The following SHBG variants were observed in gnomAD, a reference collection of about 807,000 sequenced individuals.
SHBG encodes the protein sex hormone-binding globulin.
Under a neutral mutation model 41.9 loss-of-function variants are expected in SHBG, and 37 were observed. The observed-to-expected ratio is 0.88, with a 90% CI of 0.68 to 1.16. The LOEUF is 1.16. Among genes scored for constraint, SHBG ranks in the 50% most tolerant of loss-of-function variants. The probability of loss-of-function intolerance (pLI) is 0.00; values close to 1 mark genes in which losing one functional copy is unlikely to be tolerated. For missense variants in SHBG, 466 were observed against 499.9 expected, an observed-to-expected ratio of 0.93 and a Z score of 0.65; for synonymous variants, 217 against 205.8, an observed-to-expected ratio of 1.05 and a Z score of -0.47.
At chr17:7,625,737 G>A (rs1338485599), upstream of SHBG, among the ~76,000 whole-genome samples, 4 of 151,546 alleles carry the variant, frequency 2.6e-5, no homozygotes, top group East Asian at 1.9e-4. Flanking sequence ...CTAAAAATAC[G>A]AAAATTAGCC....
Position 7,632,924 on chromosome 17 carries a change from A to T in SHBG, c.1025A>T (p.Lys342Met), listed in dbSNP as rs1458047909. Residue 342 changes from lysine to methionine, a missense_variant, in exon 7 of 8, where the codon AAG (lysine) becomes ATG (methionine). Coordinates refer to ENST00000380450, the MANE Select transcript of SHBG (RefSeq NM_001040.5). Reference sequence around the variant, plus strand: ...GCTCCCCTCCTTAACCTCTGGGCCAAGCCTCAAGGGCGTCTCTTCCTGGGG... The same window carrying T: ...GCTCCCCTCCTTAACCTCTGGGCCATGCCTCAAGGGCGTCTCTTCCTGGGG... ...GLAPLLNLWA[K>M]PQGRLFLGAL... 1 of 1,614,032 alleles carries T rather than the reference A, an allele frequency of 6.2e-7. No individual in the cohort carries two copies. Among genetic ancestry groups the T allele is most frequent in the African/African-American group, 1.3e-5 (1 of 74,934 alleles).
chr17:7,632,683 G>A (rs1567768735), intron 6 of SHBG, 69 bp from the exon 7 acceptor site: 1 of 1,232,138 alleles, frequency 8.1e-7, no homozygotes, highest in Non-Finnish European at 1.2e-6. Flanking sequence ...CTAGGGGTGA[G>A]GCCACAGGCA....
In SHBG at chr17:7,631,284, C is replaced by G; in HGVS notation, c.478C>G (p.Leu160Val). The change falls in exon 4 of 8, where the codon CTG becomes GTG. Residue 160 changes from leucine (L) to valine (V), a missense_variant. Leu to Val is a conservative substitution (Grantham distance 32, BLOSUM62 1). Coordinates refer to ENST00000380450, the MANE Select transcript of SHBG (RefSeq NM_001040.5). ...GCGCCTGAGACAGGTCTCTGGGCCC[C>G]TGACCAGCAAACGCCATCCCATCAT... ...VLRLRQVSGPLTSKRHPIMRI... is the reference protein window; with the variant it reads ...VLRLRQVSGPVTSKRHPIMRI... The G allele has an allele frequency of 6.2e-7, 1 of 1,613,650 alleles. No individual in the cohort carries two copies. The highest frequency in any genetic ancestry group is 8.5e-7 in the Non-Finnish European group (1 of 1,179,818).
Position 7,633,217 on chromosome 17 carries a change from C to T in SHBG, c.1074C>T (p.Ser358=), listed in dbSNP as rs868214780. The change falls in exon 8 of 8, where the codon TCC becomes TCT. Residue 358 remains serine, a synonymous_variant. Transcript: ENST00000380450. ...FLGALPGEDS[S]TSFCLNGLWA... ...ACCTCCCTCTAGGAGAAGACTCTTC[C>T]ACCTCTTTTTGCCTGAATGGCCTTT... 1.2e-6 allele frequency: 2 copies of T among 1,614,002 alleles called. No individual in the cohort carries two copies. Among genetic ancestry groups the T allele is most frequent in the Admixed American group, 3.3e-5 (2 of 59,976 alleles).
At chr17:7,624,758 T>A (rs1380715161), upstream of SHBG, among the ~76,000 whole-genome samples, 1 of 151,964 alleles carries the variant, frequency 6.6e-6, no homozygotes, top group Non-Finnish European at 1.5e-5. Context: ...ATCAAGCGAT[T>A]CTCATGCCTC....
intron 1 of SHBG, among the ~76,000 whole-genome samples, chr17:7,618,222 C>CAA (rs796397438): frequency 1.4e-5 from 2 of 144,060 alleles, no homozygotes; most frequent in African/African-American, 5.1e-5. Context: ...GATTCTGTCT[C>CAA]AAAAAAAAAA....
intron 1 of SHBG, among the ~76,000 whole-genome samples, chr17:7,622,914 G>A (rs1279652405): frequency 2.6e-5 from 4 of 151,782 alleles, no homozygotes; most frequent in African/African-American, 4.8e-5. Context: ...GCAGGCGCCT[G>A]TGGTCCCAGC....
Position 7,633,247 on chromosome 17 carries a change from A to G in SHBG, c.1104A>G (p.Ala368=). 6.2e-7 allele frequency: 1 copy of G among 1,614,182 alleles called. No individual in the cohort carries two copies. Among genetic ancestry groups the G allele is most frequent in the Non-Finnish European group, 8.5e-7 (1 of 1,180,038 alleles). Residue 368 remains alanine (A), a synonymous_variant, in exon 8 of 8, where the codon GCA becomes GCG. Transcript: ENST00000380450. ...STSFCLNGLW[A]QGQRLDVDQA... The stretch of plus-strand genomic sequence containing the variant: ...CTTTTTGCCTGAATGGCCTTTGGGC[A>G]CAAGGTCAGAGGCTGGATGTGGACC...
upstream of SHBG, chr17:7,627,158 G>T (rs1447456523): frequency 1.2e-6 from 2 of 1,614,130 alleles, no homozygotes; most frequent in Non-Finnish European, 8.5e-7. The surrounding 1 kb of genome is among the most constrained non-coding windows in gnomAD (Gnocchi z 4.8). Context: ...AGCTTCCCGG[G>T]CGCTGGAAGA....
At chr17:7,623,350 A>G (rs1232517866), upstream of SHBG, among the ~76,000 whole-genome samples, 1 of 152,204 alleles carries the variant, frequency 6.6e-6, no homozygotes, top group African/African-American at 2.4e-5. Context: ...AGATCGTGCC[A>G]TTTCACTCCA....
chr17:7,619,852 C>CA (rs965714325), intron 1 of SHBG, among the ~76,000 whole-genome samples: 2 of 152,130 alleles, frequency 1.3e-5, no homozygotes, highest in African/African-American at 4.8e-5. Flanking sequence ...TCATCCTCAA[C>CA]AGTGCAAAGC....
Position 7,630,993 on chromosome 17 carries a change from A to G in SHBG, c.393+124A>G. ...CGTTTAATCCACACGAACCCCCACA[A>G]AGTAGCTATTCTTGGCCCCATCTTT... On this transcript the variant is annotated intron_variant, in intron 3 of 7. Coordinates refer to ENST00000380450, the MANE Select transcript of SHBG (RefSeq NM_001040.5). This position sits in a 1 kb window ranked among gnomAD's most constrained non-coding sequence, Gnocchi z 4.6. 1.1e-5 allele frequency: 11 copies of G among 1,005,630 alleles called. No individual in the cohort carries two copies. The highest frequency in any genetic ancestry group is 2.6e-5 in the East Asian group (1 of 38,718). 62.3% of individuals were successfully genotyped at this position (1,005,630 alleles called of 1,614,324 possible).
intron 4 of SHBG, 31 bp from the exon 5 acceptor site, chr17:7,631,558 A>G (rs2072414401): frequency 6.2e-7 from 1 of 1,613,304 alleles, no homozygotes; most frequent in Admixed American, 1.7e-5. Context: ...TGATTTCTAC[A>G]TCCCCGTATC....
At chr17:7,622,526 G>GC (rs1555573610) in intron 1 of SHBG, among the ~76,000 whole-genome samples, 1 of 151,880 alleles carries the variant, frequency 6.6e-6, no homozygotes, top group Non-Finnish European at 1.5e-5. Context: ...GCCCACCTTG[G>GC]CCTCCCAAAG....
At chr17:7,628,907 T>C (rs1013709773), upstream of SHBG, among the ~76,000 whole-genome samples, 2 of 151,100 alleles carry the variant, frequency 1.3e-5, no homozygotes, top group African/African-American at 4.9e-5. Context: ...AATACAAAAA[T>C]TAGACAGGTG....
intron 1 of SHBG, among the ~76,000 whole-genome samples, chr17:7,615,637 G>A (rs910015713): frequency 8.0e-6 from 1 of 125,586 alleles, no homozygotes; most frequent in African/African-American, 3.2e-5. Flanking sequence ...TGGCCAAAAT[G>A]GTGAAACCCA....
At chr17:7,622,825 C>T (rs886916117) in intron 1 of SHBG, among the ~76,000 whole-genome samples, 5 of 141,098 alleles carry the variant, frequency 3.5e-5, no homozygotes, top group Admixed American at 2.2e-4. Context: ...GTCAGGAGAT[C>T]GAGACCATCC....
rs1421320930 is a variant in SHBG, at chr17:7,633,271, C to T, written c.1128C>T (p.Asp376=). 2.5e-6 allele frequency: 4 copies of T among 1,614,018 alleles called. No individual in the cohort carries two copies. In the South Asian group the frequency reaches 4.4e-5, roughly 18 times the overall value. The change falls in exon 8 of 8, where the codon GAC becomes GAT. Residue 376 remains aspartate (D), a synonymous_variant. Coordinates refer to ENST00000380450, the MANE Select transcript of SHBG (RefSeq NM_001040.5). ...LWAQGQRLDV[D]QALNRSHEIW... ...CACAAGGTCAGAGGCTGGATGTGGA[C>T]CAGGCCCTGAACAGAAGCCATGAGA...
upstream of SHBG, among the ~76,000 whole-genome samples, chr17:7,625,966 G>T (rs569880248): frequency 2.0e-5 from 3 of 151,524 alleles, no homozygotes; most frequent in Admixed American, 2.0e-4. Flanking sequence ...CACTTTTCGA[G>T]GCCGAGGCGG....
Sources: gnomAD v4.1 joint callset for allele counts (sites outside exome capture counted in the v4.1 genomes callset) on GRCh38, gnomAD v4.1.1 for gene constraint, Gnocchi (gnomAD v3.1) non-coding constraint, MANE v1.5 for transcripts, NCBI Gene and HGNC (gene_info 2026-07-23, HGNC 2026-07-21) for gene names.